ARHGAP32: variants seen among roughly 807,000 people sequenced by gnomAD.
ARHGAP32 encodes rho GTPase-activating protein 32.
A neutral mutation model predicts 186.5 loss-of-function variants in ARHGAP32; 51 were observed. The ratio of observed to expected loss-of-function variants is 0.27; its 90% CI spans 0.22 to 0.35. The LOEUF (loss-of-function observed/expected upper bound fraction) is 0.35. Ranked by LOEUF, ARHGAP32 falls within the 10% of genes least tolerant of loss-of-function variation. ARHGAP32 has a pLI of 1.00. For missense variants in ARHGAP32, 2,186 were observed against 2,623.5 expected (o/e 0.83, Z 3.64); for synonymous variants, 950 against 964.3 (o/e 0.99, Z 0.27).
intron 1 of ARHGAP32, among the ~76,000 whole-genome samples, chr11:129,180,494 C>T (rs140377823): frequency 2.0e-5 from 3 of 152,076 alleles, no homozygotes; most frequent in African/African-American, 7.2e-5. Context: ...ATGTGTTATA[C>T]CTCAAAGTGT....
chr11:129,268,824 T>G lies in ARHGAP32; in HGVS notation c.-5+10322A>C, dbSNP rs530320323. Reference sequence around the variant, plus strand: ...GCTACCAGCTGGATCCTGTGACTTCTCATTATTGCTGAAAACCCTGCTCCA... The same window carrying G: ...GCTACCAGCTGGATCCTGTGACTTCGCATTATTGCTGAAAACCCTGCTCCA... On this transcript the variant is annotated intron_variant, in intron 1 of 6. Coordinates refer to the ARHGAP32 transcript ENST00000525234. Among the ~76,000 whole-genome samples the G allele has an allele frequency of 3.3e-5, 5 of 152,250 alleles. No individual in the cohort carries two copies. The South Asian group carries it at 1.0e-3, about 32-fold the overall frequency.
At chr11:128,997,339 TA>T (rs758195878) in intron 12 of ARHGAP32, among the ~76,000 whole-genome samples, 1 of 152,232 alleles carries the variant, frequency 6.6e-6, no homozygotes, top group Non-Finnish European at 1.5e-5. Flanking sequence ...CAGTTTGCAT[TA>T]AATTCCTAAG....
intron 2 of ARHGAP32, among the ~76,000 whole-genome samples, chr11:129,152,438 A>T (rs1943308680): frequency 6.6e-6 from 1 of 152,196 alleles, no homozygotes; most frequent in Admixed American, 6.5e-5. Context: ...ACAAAAAAAG[A>T]AAACTACAGA....
chr11:129,155,917 A>G (rs773229441), intron 2 of ARHGAP32, among the ~76,000 whole-genome samples: 11 of 152,192 alleles, frequency 7.2e-5, no homozygotes, highest in Non-Finnish European at 1.3e-4. Flanking sequence ...AGTGCAGCCC[A>G]TGGAAGGCGA....
chr11:129,124,736 A>G lies in ARHGAP32; in HGVS notation c.317+67T>C, dbSNP rs1255772105. On this transcript the variant is annotated intron_variant, in intron 3 of 22. Coordinates refer to ENST00000682385, the MANE Select transcript of ARHGAP32 (RefSeq NM_001378024.1). ...GTAAAAAGTCTAAATAAAAGTTTTA[A>G]GAGAATTGAAGAACTGATTTCCATT... is the stretch of plus-strand genomic sequence containing the variant. 3.2e-6 allele frequency: 4 copies of G among 1,234,556 alleles called. No individual in the cohort carries two copies. In the Admixed American group the frequency reaches 7.0e-5, roughly 22 times the overall value. 76.5% of individuals were successfully genotyped at this position (1,234,556 alleles called of 1,614,324 possible).
intron 2 of ARHGAP32, among the ~76,000 whole-genome samples, chr11:129,149,355 C>A (rs1265085358): frequency 1.3e-5 from 2 of 152,194 alleles, no homozygotes; most frequent in Non-Finnish European, 2.9e-5. Context: ...GCACACTAAA[C>A]GTATCTACAA....
intron 2 of ARHGAP32, among the ~76,000 whole-genome samples, chr11:129,130,498 A>G (rs889775461): frequency 6.6e-6 from 1 of 152,092 alleles, no homozygotes; most frequent in Admixed American, 6.5e-5. Flanking sequence ...CTCAACATAT[A>G]TAAAGAAATC....
chr11:128,978,952 C>T (rs948639240), intron 18 of ARHGAP32, 37 bp from the exon 19 acceptor site: 2 of 1,564,536 alleles, frequency 1.3e-6, no homozygotes, highest in African/African-American at 1.4e-5. Flanking sequence ...TTAAGATAGC[C>T]ATGGGTCTGT....
Position 129,123,357 on chromosome 11 carries a change from C to A in ARHGAP32, c.444+89G>T. On this transcript the variant is annotated intron_variant, in intron 5 of 22. Coordinates refer to ENST00000682385, the MANE Select transcript of ARHGAP32 (RefSeq NM_001378024.1). The surrounding 1 kb of genome is among the most constrained non-coding windows in gnomAD (Gnocchi z 4.6). ...AAAAAAAACTACTTCAAAGTGTCATCTATTAGATACAGATATATAGATAAG... is the reference window on the plus strand; with the variant it reads ...AAAAAAAACTACTTCAAAGTGTCATATATTAGATACAGATATATAGATAAG... The A allele has an allele frequency of 1.9e-6, 2 of 1,069,730 alleles. No individual in the cohort carries two copies. The highest frequency in any genetic ancestry group is 2.7e-6 in the Non-Finnish European group (2 of 740,384). The allele number at this position is 1,069,730 out of a possible 1,614,324, so 66.3% of individuals were successfully genotyped here.
At chr11:129,130,448 T>C (rs538517409) in intron 2 of ARHGAP32, among the ~76,000 whole-genome samples, 8 of 151,658 alleles carry the variant, frequency 5.3e-5, no homozygotes, top group Non-Finnish European at 1.2e-4. Flanking sequence ...AAAAAATTAA[T>C]ACATTCAACG....
intron 1 of ARHGAP32, among the ~76,000 whole-genome samples, chr11:129,173,823 C>T (rs1183915658): frequency 6.6e-6 from 1 of 152,148 alleles, no homozygotes; most frequent in African/African-American, 2.4e-5. Context: ...TGATTTCCCA[C>T]TGAGATCATG....
At chr11:129,136,805 G>C (rs1942945495) in intron 2 of ARHGAP32, among the ~76,000 whole-genome samples, 1 of 152,008 alleles carries the variant, frequency 6.6e-6, no homozygotes, top group Admixed American at 6.5e-5. Context: ...TTCATGATAA[G>C]AACTACCTAG....
intron 1 of ARHGAP32, among the ~76,000 whole-genome samples, chr11:129,266,845 C>T (rs892104613): frequency 1.3e-5 from 2 of 152,140 alleles, no homozygotes; most frequent in African/African-American, 4.8e-5. Flanking sequence ...CTCATCTTGA[C>T]CGGGACCCCA....
At chr11:129,219,858 TACACACACACAC>T (rs111399265) in intron 1 of ARHGAP32, among the ~76,000 whole-genome samples, 1 of 150,060 alleles carries the variant, frequency 6.7e-6, no homozygotes, top group Non-Finnish European at 1.5e-5. Flanking sequence ...ACTACACACA[TACACACACACAC>T]ACACAATGTT....
chr11:129,251,656 C>A (rs571566871), intron 1 of ARHGAP32, among the ~76,000 whole-genome samples: 1 of 151,864 alleles, frequency 6.6e-6, no homozygotes, highest in African/African-American at 2.4e-5. Context: ...CAGCCCAGCG[C>A]GGTGGCTCAC....
At chr11:129,094,802 C>A (rs1465895871) in intron 5 of ARHGAP32, among the ~76,000 whole-genome samples, 2 of 152,174 alleles carry the variant, frequency 1.3e-5, no homozygotes, top group Non-Finnish European at 2.9e-5. Flanking sequence ...ATGGACAACC[C>A]TGAGTTCAAA....
At chr11:129,218,706 G>A (rs1944675981) in intron 1 of ARHGAP32, among the ~76,000 whole-genome samples, 1 of 151,794 alleles carries the variant, frequency 6.6e-6, no homozygotes, top group Non-Finnish European at 1.5e-5. Flanking sequence ...CTGACGCACT[G>A]GAGAACTTCC....
chr11:128,974,588 G>C lies in ARHGAP32; in HGVS notation c.2609C>G (p.Ser870Cys). The part of the protein sequence containing the change: ...PGSTASSEPV[S>C]PLQEKLSPFF... Reference sequence around the variant, plus strand: ...TGGACTCAGTTTCTCCTGAAGAGGAGAGACAGGTTCAGAGCTTGCTGTGCT... The same window carrying C: ...TGGACTCAGTTTCTCCTGAAGAGGACAGACAGGTTCAGAGCTTGCTGTGCT... Residue 870 changes from serine (S) to cysteine (C), a missense_variant, in exon 21 of 23, where the codon TCT becomes TGT. This residue lies in a region of ARHGAP32 where 1,502 missense variants were observed against 1,570.0 expected (regional missense o/e 0.96). Transcript: ENST00000682385. The C allele has an allele frequency of 6.2e-7, 1 of 1,614,210 alleles. No individual in the cohort carries two copies. The highest frequency in any genetic ancestry group is 8.5e-7 in the Non-Finnish European group (1 of 1,180,020).
chr11:129,002,309 C>A (rs138837988), intron 11 of ARHGAP32, among the ~76,000 whole-genome samples: 167 of 152,180 alleles, frequency 1.1e-3, no homozygotes, highest in African/African-American at 4.0e-3. Flanking sequence ...AAAGATCTTG[C>A]ATTTCTTTGG....
Sources: allele counts gnomAD v4.1 joint callset (sites outside exome capture counted in the v4.1 genomes callset), GRCh38; gene constraint gnomAD v4.1.1; regional missense constraint gnomAD v4.1.1; non-coding constraint Gnocchi (gnomAD v3.1); transcripts MANE v1.5; gene names NCBI Gene and HGNC (gene_info 2026-07-23, HGNC 2026-07-21).